The following PLEKHA8 variants were observed in gnomAD, a reference collection of about 807,000 sequenced individuals.
PLEKHA8 encodes the protein pleckstrin homology domain-containing family A member 8.
In PLEKHA8, 36 loss-of-function variants were observed where a neutral mutation model predicts 68.2. That is an observed-to-expected ratio of 0.53 (90% CI 0.40 to 0.70). The LOEUF (loss-of-function observed/expected upper bound fraction) is 0.70. Among genes scored for constraint, PLEKHA8 ranks in the 30% least tolerant of loss-of-function variants. The pLI, the probability that PLEKHA8 is intolerant of heterozygous loss-of-function variation, is 0.00. For missense variants in PLEKHA8, 505 were observed against 615.4 expected, an observed-to-expected ratio of 0.82 and a Z score of 1.90; for synonymous variants, 211 against 216.1, an observed-to-expected ratio of 0.98 and a Z score of 0.20.
At position 30,052,700 on chromosome 7, in the gene PLEKHA8, A is replaced by T. The variant is rs757445741; in HGVS notation, c.639-9A>T. 3 of 1,534,290 alleles carry T rather than the reference A, an allele frequency of 2.0e-6. No individual in the cohort carries two copies. The Admixed American group carries it at 7.0e-5, about 36-fold the overall frequency. On this transcript the variant is annotated splice_polypyrimidine_tract_variant and intron_variant, in intron 6 of 13. Coordinates refer to ENST00000449726, the MANE Select transcript of PLEKHA8 (RefSeq NM_001197026.2). ...CTTCTGGCTTTTTTTCCTTTTAAAA[A>T]ATTTGCAGGCAAATGGAGTTGAGCA...
chr7:30,084,427 A>T lies in PLEKHA8; in HGVS notation c.*5640A>T. On this transcript the variant is annotated 3_prime_UTR_variant, in exon 14 of 14. Transcript: ENST00000449726. ...TGTCAAGTGGCTTGTTAACTTCTTA[A>T]TTTAATGGACCTTTACTTAGAATAT... The T allele has an allele frequency of 1.0e-6, 1 of 985,370 alleles. No homozygotes were observed. Among genetic ancestry groups the T allele is most frequent in the South Asian group, 4.7e-5 (1 of 21,284 alleles). The allele number at this position is 985,370 out of a possible 1,614,324, so 61.0% of individuals were successfully genotyped here.
At chr7:30,114,690 T>C (rs531404122) in intron 13 of PLEKHA8, among the ~76,000 whole-genome samples, 1 of 152,318 alleles carries the variant, frequency 6.6e-6, no homozygotes, top group African/African-American at 2.4e-5. Flanking sequence ...TGTGAGCTTA[T>C]CTTTAAAGAA....
In PLEKHA8 at chr7:30,055,289, G is replaced by T; in HGVS notation, c.986G>T (p.Gly329Val). 6.2e-7 allele frequency: 1 copy of T among 1,614,132 alleles called. No individual in the cohort carries two copies. Reference protein sequence around the residue: ...FSDIELLEDSGIPTEAFLASC... With the variant: ...FSDIELLEDSVIPTEAFLASC... ...GACATTGAACTTCTGGAAGACAGTG[G>T]CATTCCCACAGAAGCATTCTTGGCA... The change falls in exon 9 of 14, where the codon GGC becomes GTC. Residue 329 changes from glycine (G) to valine (V), a missense_variant. Transcript: ENST00000449726.
chr7:30,079,523 A>T lies in PLEKHA8; in HGVS notation c.*736A>T. On this transcript the variant is annotated 3_prime_UTR_variant, in exon 14 of 14. Transcript: ENST00000449726. The stretch of plus-strand genomic sequence containing the variant: ...TCCCAACTGCCTACCATTTACCAGC[A>T]TGTTCCCCATGCATTATCTCAATTG... The T allele has an allele frequency of 1.0e-6, 1 of 964,726 alleles. No individual in the cohort carries two copies. Among genetic ancestry groups the T allele is most frequent in the Non-Finnish European group, 1.2e-6 (1 of 811,164 alleles). 59.8% of individuals were successfully genotyped at this position (964,726 alleles called of 1,614,324 possible). A position where few individuals can be genotyped will look rare whatever the true frequency, so the allele number is the denominator to read the frequency against.
At position 30,080,837 on chromosome 7, in the gene PLEKHA8, C is replaced by T. The variant is rs1045229652; in HGVS notation, c.*2050C>T. 2.3e-5 allele frequency: 23 copies of T among 985,068 alleles called. No individual in the cohort carries two copies. Among genetic ancestry groups the T allele is most frequent in the African/African-American group, 1.7e-4 (10 of 57,162 alleles). 61.0% of individuals were successfully genotyped at this position (985,068 alleles called of 1,614,324 possible). On this transcript the variant is annotated 3_prime_UTR_variant, in exon 14 of 14. Coordinates refer to ENST00000449726, the MANE Select transcript of PLEKHA8 (RefSeq NM_001197026.2). Reference sequence around the variant, plus strand: ...CTGCCCTTGACATAGCCCCCTAAAACGGAAAAAGAAAAAGCCAGTTTTTGC... The same window carrying T: ...CTGCCCTTGACATAGCCCCCTAAAATGGAAAAAGAAAAAGCCAGTTTTTGC...
At chr7:30,128,118 T>A (rs112545355) in intron 13 of PLEKHA8, among the ~76,000 whole-genome samples, 9 of 151,594 alleles carry the variant, frequency 5.9e-5, no homozygotes, top group Non-Finnish European at 1.2e-4. Context: ...TTTTACTTAT[T>A]TATTTTGAGA....
intron 13 of PLEKHA8, among the ~76,000 whole-genome samples, chr7:30,097,470 G>A (rs1795664604): frequency 6.6e-6 from 1 of 152,218 alleles, no homozygotes; most frequent in Non-Finnish European, 1.5e-5. Flanking sequence ...ACACCAATCA[G>A]ACGTAGATTT....
At position 30,081,078 on chromosome 7, in the gene PLEKHA8, C is replaced by T. The variant is rs1428613980; in HGVS notation, c.*2291C>T. 13 of 985,178 alleles carry T rather than the reference C, an allele frequency of 1.3e-5. No individual in the cohort carries two copies. Among genetic ancestry groups the T allele is most frequent in the Non-Finnish European group, 1.6e-5 (13 of 829,918 alleles). The allele number at this position is 985,178 out of a possible 1,614,324, so 61.0% of individuals were successfully genotyped here. Reference sequence around the variant, plus strand: ...TACACACAAAAGGAAAGCTGCTCAGCATGGCCATTTTGCATTTGTATAGGT... The same window carrying T: ...TACACACAAAAGGAAAGCTGCTCAGTATGGCCATTTTGCATTTGTATAGGT... On this transcript the variant is annotated 3_prime_UTR_variant, in exon 14 of 14. Coordinates refer to ENST00000449726, the MANE Select transcript of PLEKHA8 (RefSeq NM_001197026.2).
chr7:30,033,858 T>G (rs1008223452), intron 1 of PLEKHA8, among the ~76,000 whole-genome samples: 1 of 152,274 alleles, frequency 6.6e-6, no homozygotes. Flanking sequence ...TGAAATGATA[T>G]CTCATGGTTT....
chr7:30,039,399 C>T (rs1326894258), intron 1 of PLEKHA8, among the ~76,000 whole-genome samples: 1 of 152,080 alleles, frequency 6.6e-6, no homozygotes, highest in Non-Finnish European at 1.5e-5. Flanking sequence ...CCTGTAATCC[C>T]CACTACTCAG....
At position 30,082,721 on chromosome 7, in the gene PLEKHA8, T is replaced by G; in HGVS notation, c.*3934T>G. The G allele has an allele frequency of 1.0e-6, 1 of 985,260 alleles. No homozygotes were observed. The highest frequency in any genetic ancestry group is 1.2e-6 in the Non-Finnish European group (1 of 829,824). 61.0% of individuals were successfully genotyped at this position (985,260 alleles called of 1,614,324 possible). A position where few individuals can be genotyped will look rare whatever the true frequency, so the allele number is the denominator to read the frequency against. ...ACATTTTTCTCCACTAAATTTGAAG[T>G]GAGGGAAAGAGGAGCCAAAGTAAGA... is the stretch of plus-strand genomic sequence containing the variant. On this transcript the variant is annotated 3_prime_UTR_variant, in exon 14 of 14. Coordinates refer to ENST00000449726, the MANE Select transcript of PLEKHA8 (RefSeq NM_001197026.2).
intron 1 of PLEKHA8, among the ~76,000 whole-genome samples, chr7:30,030,097 A>G (rs1473694152): frequency 6.6e-6 from 1 of 152,202 alleles, no homozygotes; most frequent in Admixed American, 6.5e-5. Flanking sequence ...AGGCTGATCA[A>G]CACTGCTAAC....
rs375754164 is a variant in PLEKHA8, at chr7:30,110,315, G to T, written c.1363-18951G>T. Among the ~76,000 whole-genome samples the T allele has an allele frequency of 1.3e-4, 20 of 152,268 alleles. No homozygotes were observed. The South Asian group carries it at 3.7e-3, about 28-fold the overall frequency. ...TGGCTACTTTCACTTAGCACATTTTGCAGATTCATCCATAGTGTAGTATTT... is the reference window on the plus strand; with the variant it reads ...TGGCTACTTTCACTTAGCACATTTTTCAGATTCATCCATAGTGTAGTATTT... On this transcript the variant is annotated intron_variant, in intron 13 of 13. Coordinates refer to the PLEKHA8 transcript ENST00000396257.
chr7:30,109,160 G>A (rs1431284708), intron 13 of PLEKHA8, among the ~76,000 whole-genome samples: 1 of 152,128 alleles, frequency 6.6e-6, no homozygotes, highest in Non-Finnish European at 1.5e-5. Context: ...CTAAAGGTAT[G>A]TCATGGTTGT....
At chr7:30,110,408 T>C (rs906008873) in intron 13 of PLEKHA8, among the ~76,000 whole-genome samples, 1 of 152,258 alleles carries the variant, frequency 6.6e-6, no homozygotes, top group African/African-American at 2.4e-5. Context: ...GTTGTGTTGA[T>C]CCATTCACCA....
intron 12 of PLEKHA8, among the ~76,000 whole-genome samples, chr7:30,068,713 G>C (rs980648599): frequency 6.6e-6 from 1 of 152,010 alleles, no homozygotes; most frequent in African/African-American, 2.4e-5. Context: ...GGTGTCTTTT[G>C]GTATACAGAA....
intron 1 of PLEKHA8, among the ~76,000 whole-genome samples, chr7:30,033,846 T>A (rs1790840781): frequency 6.6e-6 from 1 of 152,142 alleles, no homozygotes; most frequent in Non-Finnish European, 1.5e-5. Flanking sequence ...TAGTAGTGGA[T>A]GTGAAATGAT....
At chr7:30,116,322 ATATG>A (rs778258830) in intron 13 of PLEKHA8, among the ~76,000 whole-genome samples, 2 of 151,208 alleles carry the variant, frequency 1.3e-5, no homozygotes, top group African/African-American at 2.4e-5. Context: ...ATACATACAC[ATATG>A]TGTGTATGTA....
At chr7:30,033,840 A>G (rs1247256001) in intron 1 of PLEKHA8, among the ~76,000 whole-genome samples, 6 of 152,072 alleles carry the variant, frequency 3.9e-5, no homozygotes, top group Admixed American at 3.3e-4. Context: ...CTATCCTAGT[A>G]GTGGATGTGA....
Sources: gnomAD v4.1 joint callset for allele counts (sites outside exome capture counted in the v4.1 genomes callset) on GRCh38, gnomAD v4.1.1 for gene constraint, MANE v1.5 for transcripts, NCBI Gene and HGNC (gene_info 2026-07-23, HGNC 2026-07-21) for gene names.